DCC: variants seen among roughly 807,000 people sequenced by gnomAD.
DCC encodes DCC netrin 1 receptor.
In DCC, 58 loss-of-function variants were observed where a neutral mutation model predicts 172.5. That is an observed-to-expected ratio of 0.34 (90% confidence interval 0.27 to 0.42). The LOEUF (loss-of-function observed/expected upper bound fraction) is 0.42, where lower values mean the gene tolerates loss of function less well. Ranked by LOEUF, DCC falls within the 10% of genes least tolerant of loss-of-function variation. The pLI is 1.00. For synonymous variants in DCC, 709 were observed against 644.5 expected (o/e 1.10, Z -1.52); for missense variants, 1,740 against 1,791.0 (o/e 0.97, Z 0.51).
intron 7 of DCC, among the ~76,000 whole-genome samples, chr18:53,156,691 T>C (rs1209994268): frequency 6.6e-6 from 1 of 152,186 alleles, no homozygotes; most frequent in African/African-American, 2.4e-5. Flanking sequence ...CTTAGAACTG[T>C]TAAAAATGCC....
At chr18:53,198,999 G>T (rs186647026) in intron 9 of DCC, among the ~76,000 whole-genome samples, 2 of 151,930 alleles carry the variant, frequency 1.3e-5, no homozygotes, top group Non-Finnish European at 2.9e-5. Context: ...ATACTAAAAT[G>T]TAATGAAATG....
intron 17 of DCC, among the ~76,000 whole-genome samples, chr18:53,394,138 A>G (rs1361118733): frequency 6.6e-6 from 1 of 152,172 alleles, no homozygotes; most frequent in African/African-American, 2.4e-5. Context: ...GAAACAAACA[A>G]AATGTACATG....
At chr18:52,560,534 C>G (rs1598913828) in intron 1 of DCC, among the ~76,000 whole-genome samples, 1 of 152,156 alleles carries the variant, frequency 6.6e-6, no homozygotes, top group Non-Finnish European at 1.5e-5. Flanking sequence ...CTAGTGAGCT[C>G]TCCCAGATAG....
intron 7 of DCC, among the ~76,000 whole-genome samples, chr18:53,142,544 T>G (rs2043846729): frequency 6.6e-6 from 1 of 152,196 alleles, no homozygotes; most frequent in Non-Finnish European, 1.5e-5. Context: ...GCTAACCACA[T>G]TAGCGCTGAT....
At chr18:53,099,750 A>G (rs544241520) in intron 7 of DCC, among the ~76,000 whole-genome samples, 37 of 152,190 alleles carry the variant, frequency 2.4e-4, no homozygotes, top group Non-Finnish European at 4.4e-4. Context: ...GGGTCATAGC[A>G]AGAAGATAAT....
chr18:52,798,767 T>TTTC (rs1568111381), intron 2 of DCC, among the ~76,000 whole-genome samples: 2 of 151,230 alleles, frequency 1.3e-5, no homozygotes, highest in African/African-American at 4.9e-5. Context: ...CTTTTTTTTT[T>TTTC]TTAAGGTGGA....
chr18:52,356,280 CA>C (rs1237683207), intron 1 of DCC, among the ~76,000 whole-genome samples: 2 of 152,090 alleles, frequency 1.3e-5, no homozygotes, highest in Non-Finnish European at 2.9e-5. Flanking sequence ...GCTGAGAAAG[CA>C]TATTTAGGCT....
At position 53,486,781 on chromosome 18, in the gene DCC, C is replaced by T. The variant is rs567120968; in HGVS notation, c.3737-16C>T. The T allele has an allele frequency of 1.2e-6, 2 of 1,614,118 alleles. No individual in the cohort carries two copies. Among genetic ancestry groups the T allele is most frequent in the East Asian group, 4.5e-5 (2 of 44,846 alleles). On this transcript the variant is annotated splice_polypyrimidine_tract_variant and intron_variant, in intron 25 of 28. Coordinates refer to ENST00000442544, the MANE Select transcript of DCC (RefSeq NM_005215.4). ...ACATAAGGTTCAAAAAACCCATTAACCTTTTTCTTTTGCAGCTGTCGTGAG... is the reference window on the plus strand; with the variant it reads ...ACATAAGGTTCAAAAAACCCATTAATCTTTTTCTTTTGCAGCTGTCGTGAG...
chr18:53,011,914 G>GTGAT (rs1180327420), intron 5 of DCC, among the ~76,000 whole-genome samples: 1 of 151,722 alleles, frequency 6.6e-6, no homozygotes, highest in African/African-American at 2.4e-5. Context: ...TTTTGATATA[G>GTGAT]TGATTAAGAA....
chr18:52,720,700 G>A (rs1384736612), intron 1 of DCC, among the ~76,000 whole-genome samples: 8 of 152,210 alleles, frequency 5.3e-5, no homozygotes, highest in African/African-American at 1.9e-4. Context: ...AAGGAAAGGT[G>A]TGTTCTAATT....
chr18:52,614,416 A>G (rs2034338107), intron 1 of DCC, among the ~76,000 whole-genome samples: 1 of 152,210 alleles, frequency 6.6e-6, no homozygotes, highest in Non-Finnish European at 1.5e-5. Context: ...CAGTAAAGAA[A>G]TACTTTGTAG....
chr18:53,526,885 GT>G, intron 28 of DCC, 126 bp downstream of exon 28: 1 of 485,706 alleles, frequency 2.1e-6, no homozygotes, highest in Non-Finnish European at 3.3e-6. Context: ...TGTTCTTATT[GT>G]TGTTTGTTCC....
At chr18:53,131,207 A>C (rs936483745) in intron 7 of DCC, among the ~76,000 whole-genome samples, 3 of 152,142 alleles carry the variant, frequency 2.0e-5, no homozygotes, top group African/African-American at 7.2e-5. Context: ...CAATATCAGC[A>C]TAATTTTCTT....
intron 12 of DCC, among the ~76,000 whole-genome samples, chr18:53,231,266 C>G (rs1376278944): frequency 6.6e-6 from 1 of 151,976 alleles, no homozygotes; most frequent in African/African-American, 2.4e-5. Flanking sequence ...TCAAACTAAG[C>G]AAACATTTGT....
intron 1 of DCC, among the ~76,000 whole-genome samples, chr18:52,397,116 T>C (rs1395972284): frequency 6.6e-6 from 1 of 152,078 alleles, no homozygotes. Context: ...TACATCTTTT[T>C]CTTTTATAAA....
chr18:52,393,502 C>A (rs182576712), intron 1 of DCC, among the ~76,000 whole-genome samples: 2 of 152,136 alleles, frequency 1.3e-5, no homozygotes, highest in Admixed American at 1.3e-4. Context: ...ATAATCACAA[C>A]AAAGTTTGAG....
At chr18:53,196,744 T>G (rs1443989742) in intron 9 of DCC, among the ~76,000 whole-genome samples, 1 of 152,094 alleles carries the variant, frequency 6.6e-6, no homozygotes, top group East Asian at 1.9e-4. Context: ...CACACATACG[T>G]AATGGCGCAG....
At chr18:52,557,209 T>C (rs1404676422) in intron 1 of DCC, among the ~76,000 whole-genome samples, 1 of 152,220 alleles carries the variant, frequency 6.6e-6, no homozygotes, top group Non-Finnish European at 1.5e-5. Context: ...ACAAAGTATG[T>C]TAGTGTATGG....
At chr18:53,082,444 C>T (rs1368936619) in intron 7 of DCC, among the ~76,000 whole-genome samples, 3 of 152,002 alleles carry the variant, frequency 2.0e-5, no homozygotes, top group Non-Finnish European at 4.4e-5. Context: ...TTAATTTTCA[C>T]TGTCATATAC....
Sources: gnomAD v4.1 joint callset for allele counts (sites outside exome capture counted in the v4.1 genomes callset) on GRCh38, gnomAD v4.1.1 for gene constraint, MANE v1.5 for transcripts, NCBI Gene and HGNC (gene_info 2026-07-23, HGNC 2026-07-21) for gene names.